The following LARP1 variants were observed in gnomAD, a reference collection of about 807,000 sequenced individuals.
The protein encoded by LARP1 is la-related protein 1.
Under a neutral mutation model 122.7 loss-of-function variants are expected in LARP1, and 36 were observed. The ratio of observed to expected loss-of-function variants is 0.29; its 90% CI spans 0.22 to 0.39. The LOEUF is 0.39. Ranked by LOEUF, LARP1 falls within the 10% of genes least tolerant of loss-of-function variation. The pLI, the probability that LARP1 is intolerant of heterozygous loss-of-function variation, is 1.00. For missense variants in LARP1, 1,040 were observed against 1,403.6 expected, an observed-to-expected ratio of 0.74 and a Z score of 4.14; for synonymous variants, 539 against 528.7, an observed-to-expected ratio of 1.02 and a Z score of -0.27.
intron 1 of LARP1, among the ~76,000 whole-genome samples, chr5:154,714,389 T>C (rs1372808351): frequency 6.6e-6 from 1 of 152,208 alleles, no homozygotes; most frequent in Non-Finnish European, 1.5e-5. Context: ...TGGGACTTTT[T>C]GAAATGTACA....
At chr5:154,739,690 T>G (rs1020494844) in intron 1 of LARP1, among the ~76,000 whole-genome samples, 1 of 151,950 alleles carries the variant, frequency 6.6e-6, no homozygotes, top group African/African-American at 2.4e-5. Flanking sequence ...TGAGCCACCA[T>G]ACCCAGCTAC....
At chr5:154,774,974 A>G (rs1401523692) in intron 1 of LARP1, among the ~76,000 whole-genome samples, 1 of 152,178 alleles carries the variant, frequency 6.6e-6, no homozygotes, top group Non-Finnish European at 1.5e-5. Context: ...AAAGAAAAAC[A>G]GGAGGCCCTT....
In LARP1 at chr5:154,744,662, G is replaced by T. The variant is rs1335244674; in HGVS notation, c.205+31532G>T. Among the ~76,000 whole-genome samples the T allele has an allele frequency of 2.7e-5, 2 of 72,948 alleles. 1 individual carries two copies. The highest frequency in any genetic ancestry group is 1.5e-4 in the African/African-American group (2 of 13,608). 47.9% of individuals were successfully genotyped at this position (72,948 alleles called of 152,430 possible). A position where few individuals can be genotyped will look rare whatever the true frequency, so the allele number is the denominator to read the frequency against. ...TTTTTTTTTTTTTTTTTTTGAGACG[G>T]AGTCTCGCTCTGTCGCCCAGGCTGG... On this transcript the variant is annotated intron_variant, in intron 1 of 18. Coordinates refer to the LARP1 transcript ENST00000336314.
intron 1 of LARP1, among the ~76,000 whole-genome samples, chr5:154,770,989 G>A (rs1755365767): frequency 1.3e-5 from 2 of 152,020 alleles, no homozygotes; most frequent in South Asian, 2.1e-4. Flanking sequence ...GCAGGCGCCC[G>A]TAATCCCAGC....
chr5:154,800,632 A>C (rs1021178358), intron 10 of LARP1, among the ~76,000 whole-genome samples: 11 of 152,196 alleles, frequency 7.2e-5, no homozygotes, highest in Non-Finnish European at 1.2e-4. Context: ...AAACAGATGA[A>C]GTTCACTGTT....
At chr5:154,796,129 A>T (rs1188440158) in intron 8 of LARP1, among the ~76,000 whole-genome samples, 2 of 124,374 alleles carry the variant, frequency 1.6e-5, no homozygotes, top group African/African-American at 3.1e-5. Flanking sequence ...TATTATATAT[A>T]TTTTATATAT....
At chr5:154,762,369 T>G (rs1754530966) in intron 1 of LARP1, among the ~76,000 whole-genome samples, 2 of 152,226 alleles carry the variant, frequency 1.3e-5, no homozygotes, top group African/African-American at 4.8e-5. Context: ...GGTTTATCTG[T>G]GCCTTTCCGG....
chr5:154,793,864 A>C lies in LARP1; in HGVS notation c.933A>C (p.Lys311Asn). ...PPTPAWQPEI[K>N]PEPAWHDQDE... ...CCCCAGCCTGGCAACCAGAGATCAA[A>C]CCGGAGCCTGCCTGGCACGACCAGG... is the stretch of plus-strand genomic sequence containing the variant. The change falls in exon 6 of 19, where the codon AAA becomes AAC. Residue 311 changes from lysine to asparagine, a missense_variant. Physicochemically the swap from Lys to Asn is moderately conservative, Grantham distance 94. Around this residue, in one of 8 missense-constraint regions of LARP1, gnomAD observed 178 missense variants for 178.3 expected, o/e 1.00. Coordinates refer to ENST00000518297, the MANE Select transcript of LARP1 (RefSeq NM_033551.3). The C allele has an allele frequency of 1.2e-6, 2 of 1,614,104 alleles. 1 individual carries two copies. The highest frequency in any genetic ancestry group is 2.2e-5 in the South Asian group (2 of 91,082).
At chr5:154,695,742 G>A (rs1026751131) in intron 1 of LARP1, among the ~76,000 whole-genome samples, 2 of 151,916 alleles carry the variant, frequency 1.3e-5, no homozygotes, top group Non-Finnish European at 2.9e-5. Flanking sequence ...GCGTGGTGAC[G>A]CATACCTGTA....
intron 16 of LARP1, among the ~76,000 whole-genome samples, chr5:154,810,792 T>G (rs1250883964): frequency 6.6e-6 from 1 of 152,216 alleles, no homozygotes; most frequent in Non-Finnish European, 1.5e-5. Flanking sequence ...TGGCCGCATG[T>G]GTTCCTTGAA....
intron 3 of LARP1, 91 bp downstream of exon 3, chr5:154,790,801 C>T: frequency 8.9e-7 from 1 of 1,128,400 alleles, no homozygotes; most frequent in Non-Finnish European, 1.3e-6. Context: ...CAGCTCTTAC[C>T]TTTCTCAGTT....
rs571873370 is a variant in LARP1 at position 154,802,955 on chromosome 5, T to C, written c.2110-335T>C. ...AGGAAGGAGAGTTGCCCAGCCACTG[T>C]GTGATAAGGCAGTAGCAGAAAGAGA... is the stretch of plus-strand genomic sequence containing the variant. On this transcript the variant is annotated intron_variant, in intron 11 of 18. Coordinates refer to ENST00000518297, the MANE Select transcript of LARP1 (RefSeq NM_033551.3). The surrounding 1 kb of genome is among the most constrained non-coding windows in gnomAD (Gnocchi z 5.1). Among the ~76,000 whole-genome samples the C allele has an allele frequency of 6.6e-6, 1 of 152,280 alleles. No individual in the cohort carries two copies. Among genetic ancestry groups the C allele is most frequent in the Non-Finnish European group, 1.5e-5 (1 of 68,032 alleles).
intron 1 of LARP1, among the ~76,000 whole-genome samples, chr5:154,757,449 G>A (rs1481824686): frequency 6.6e-6 from 1 of 151,942 alleles, no homozygotes. Context: ...CGTATAGGGC[G>A]GGTCTCCATT....
At chr5:154,706,142 A>C (rs550654812) in intron 1 of LARP1, among the ~76,000 whole-genome samples, 1 of 152,114 alleles carries the variant, frequency 6.6e-6, no homozygotes, top group South Asian at 2.1e-4. Flanking sequence ...CTAAAAATCA[A>C]AAATTAGCTG....
chr5:154,691,095 T>G (rs920933856), intron 1 of LARP1, among the ~76,000 whole-genome samples: 4 of 118,918 alleles, frequency 3.4e-5, no homozygotes, highest in African/African-American at 1.1e-4. Context: ...GCGTCTCTAC[T>G]AAAAAAAGAA....
chr5:154,685,042 G>A (rs921470155), intron 1 of LARP1, among the ~76,000 whole-genome samples: 4 of 152,068 alleles, frequency 2.6e-5, no homozygotes, highest in Admixed American at 6.6e-5. Flanking sequence ...TCAGCAGTTC[G>A]ACACCAGCCT....
At chr5:154,714,255 C>T (rs1306869599) in intron 1 of LARP1, among the ~76,000 whole-genome samples, 3 of 152,060 alleles carry the variant, frequency 2.0e-5, no homozygotes, top group African/African-American at 7.2e-5. Flanking sequence ...AAAATGCGGC[C>T]TCTGTAGTAA....
intron 1 of LARP1, among the ~76,000 whole-genome samples, chr5:154,706,569 T>G (rs1419576717): frequency 6.6e-6 from 1 of 151,406 alleles, no homozygotes; most frequent in African/African-American, 2.4e-5. Context: ...GAGTGGAGGG[T>G]GGGAGGAGGG....
chr5:154,811,146 C>A, intron 16 of LARP1, 101 bp from the exon 17 acceptor site: 2 of 821,988 alleles, frequency 2.4e-6, no homozygotes, highest in Non-Finnish European at 4.0e-6. Context: ...ACAGAAATAA[C>A]ATGTAGTTTA....
Sources: allele counts gnomAD v4.1 joint callset (sites outside exome capture counted in the v4.1 genomes callset), GRCh38; gene constraint gnomAD v4.1.1; regional missense constraint gnomAD v4.1.1; non-coding constraint Gnocchi (gnomAD v3.1); transcripts MANE v1.5; gene names NCBI Gene and HGNC (gene_info 2026-07-23, HGNC 2026-07-21).